Variants in CCDC3 observed in about 807,000 individuals in gnomAD.
CCDC3 encodes the protein coiled-coil domain containing 3.
Under a neutral mutation model 21.4 loss-of-function variants are expected in CCDC3, and 24 were observed. That is an observed-to-expected ratio of 1.12 (90% CI 0.81 to 1.58). The LOEUF (loss-of-function observed/expected upper bound fraction) is 1.58, where lower values mean the gene tolerates loss of function less well. CCDC3 is among the 40% of genes most tolerant of loss of function. The probability of loss-of-function intolerance (pLI) is 0.00; values close to 1 mark genes in which losing one functional copy is unlikely to be tolerated. For synonymous variants in CCDC3, 186 were observed against 166.0 expected (o/e 1.12, Z -0.93); for missense variants, 425 against 360.9 (o/e 1.18, Z -1.44).
intron 5 of CCDC3, among the ~76,000 whole-genome samples, chr10:13,039,236 T>C (rs1836417881): frequency 6.6e-6 from 1 of 152,088 alleles, no homozygotes; most frequent in South Asian, 2.1e-4. Context: ...GGCAACATAG[T>C]GAAACCCCGT....
chr10:12,903,020 T>A (rs1325690890), intron 2 of CCDC3, among the ~76,000 whole-genome samples: 1 of 152,200 alleles, frequency 6.6e-6, no homozygotes, highest in Non-Finnish European at 1.5e-5. Context: ...ATGTCATTCT[T>A]TGGTCCTCGT....
chr10:12,949,093 T>C (rs1435055244), intron 2 of CCDC3, among the ~76,000 whole-genome samples: 1 of 152,068 alleles, frequency 6.6e-6, no homozygotes, highest in Admixed American at 6.6e-5. Flanking sequence ...ATCACAATTT[T>C]GGGGGCTCCT....
chr10:13,035,855 T>C (rs910515808), intron 5 of CCDC3, among the ~76,000 whole-genome samples: 3 of 151,956 alleles, frequency 2.0e-5, no homozygotes, highest in African/African-American at 4.8e-5. Flanking sequence ...CATAAACAAG[T>C]GGCTGCCCGG....
At chr10:12,938,101 C>G (rs778753270) in intron 2 of CCDC3, among the ~76,000 whole-genome samples, 7 of 152,212 alleles carry the variant, frequency 4.6e-5, no homozygotes, top group Non-Finnish European at 1.0e-4. Flanking sequence ...GGCTCCTTCC[C>G]AAAGACACAG....
At chr10:13,095,441 G>T (rs942023452) in intron 3 of CCDC3, among the ~76,000 whole-genome samples, 1 of 152,064 alleles carries the variant, frequency 6.6e-6, no homozygotes, top group Admixed American at 6.6e-5. Context: ...GTGGGTGGGG[G>T]GGTGGTTTTG....
At chr10:13,064,425 G>A (rs1307596039) in intron 4 of CCDC3, among the ~76,000 whole-genome samples, 1 of 152,186 alleles carries the variant, frequency 6.6e-6, no homozygotes, top group African/African-American at 2.4e-5. Flanking sequence ...CCAGGTCTCA[G>A]TTAATTTAGA....
intron 2 of CCDC3, among the ~76,000 whole-genome samples, chr10:12,972,104 G>A (rs1465136470): frequency 3.9e-5 from 6 of 152,030 alleles, no homozygotes; most frequent in Non-Finnish European, 8.8e-5. Flanking sequence ...ACACTGCTGC[G>A]TGCAGGACAG....
chr10:12,902,888 G>A lies in CCDC3; in HGVS notation c.550-4209C>T, dbSNP rs991652293. 3.9e-5 allele frequency among the ~76,000 whole-genome samples: 6 copies of A among 152,288 alleles called. No homozygotes were observed. In the South Asian group the frequency reaches 8.3e-4, roughly 21 times the overall value. ...TGTAAAAACCAAGATGGAACAGAGG[G>A]ACGCCTTGAAGTGCATCTGTGTGTG... On this transcript the variant is annotated intron_variant, in intron 2 of 2. Coordinates refer to ENST00000378825, the MANE Select transcript of CCDC3 (RefSeq NM_031455.4).
chr10:13,011,386 A>T (rs1185244271), intron 5 of CCDC3, among the ~76,000 whole-genome samples: 1 of 152,126 alleles, frequency 6.6e-6, no homozygotes, highest in Admixed American at 6.5e-5. Flanking sequence ...ACTCCTATAC[A>T]CTAATAGCAC....
intron 2 of CCDC3, among the ~76,000 whole-genome samples, chr10:12,947,334 G>T (rs147038796): frequency 6.6e-6 from 1 of 152,000 alleles, no homozygotes. Flanking sequence ...TTTCAGTGGA[G>T]ACATGGTTTC....
Position 12,982,200 on chromosome 10 carries a change from G to A in CCDC3, c.549+16138C>T, listed in dbSNP as rs564810026. 2.8e-4 allele frequency among the ~76,000 whole-genome samples: 42 copies of A among 148,734 alleles called. No individual in the cohort carries two copies. In the South Asian group the frequency reaches 8.6e-3, roughly 30 times the overall value. ...AAAAGCCATGGTCACACGCTGCAAC[G>A]TGGAGGACCTTGAGGACATTAAGCT... On this transcript the variant is annotated intron_variant, in intron 2 of 2. Coordinates refer to ENST00000378825, the MANE Select transcript of CCDC3 (RefSeq NM_031455.4).
chr10:13,043,230 C>T (rs1487116899), intron 5 of CCDC3, among the ~76,000 whole-genome samples: 1 of 152,076 alleles, frequency 6.6e-6, no homozygotes, highest in African/African-American at 2.4e-5. Flanking sequence ...TCTCCCTGAC[C>T]CAGGAGCCCC....
intron 3 of CCDC3, among the ~76,000 whole-genome samples, chr10:13,088,570 G>A (rs1318750584): frequency 6.6e-6 from 1 of 152,156 alleles, no homozygotes; most frequent in African/African-American, 2.4e-5. Flanking sequence ...GCTGTAGATG[G>A]CACACTGCAA....
At chr10:13,009,624 A>G (rs758976758) in intron 5 of CCDC3, among the ~76,000 whole-genome samples, 2 of 152,242 alleles carry the variant, frequency 1.3e-5, no homozygotes, top group Non-Finnish European at 2.9e-5. Context: ...AAATATATAG[A>G]TAACTGATTA....
chr10:12,976,481 T>C (rs2668908), intron 2 of CCDC3, among the ~76,000 whole-genome samples: 88,041 of 151,590 alleles, frequency 0.58, 25,620 homozygotes, highest in South Asian at 0.65. Flanking sequence ...AGGAATTCTC[T>C]GGCAGACACC....
intron 4 of CCDC3, among the ~76,000 whole-genome samples, chr10:13,069,582 C>T (rs755102593): frequency 7.9e-5 from 12 of 152,074 alleles, no homozygotes; most frequent in Non-Finnish European, 1.2e-4. Flanking sequence ...AATTGTCTTT[C>T]CTGATGCCTG....
At chr10:12,899,251 C>T (rs1834057862) in intron 2 of CCDC3, among the ~76,000 whole-genome samples, 1 of 152,094 alleles carries the variant, frequency 6.6e-6, no homozygotes, top group South Asian at 2.1e-4. Context: ...TGAAAAGATG[C>T]TTAACCCCAC....
intron 2 of CCDC3, among the ~76,000 whole-genome samples, chr10:12,902,589 A>G (rs1214313875): frequency 6.6e-6 from 1 of 152,238 alleles, no homozygotes; most frequent in African/African-American, 2.4e-5. Context: ...GAATTTTCAA[A>G]GAACAGAACC....
chr10:12,908,688 G>A (rs897237121), intron 2 of CCDC3, among the ~76,000 whole-genome samples: 6 of 149,188 alleles, frequency 4.0e-5, no homozygotes, highest in Non-Finnish European at 8.9e-5. Context: ...CGGCTCCCAG[G>A]TTCAAGCAAT....
Sources: gnomAD v4.1 joint callset for allele counts (sites outside exome capture counted in the v4.1 genomes callset) on GRCh38, gnomAD v4.1.1 for gene constraint, MANE v1.5 for transcripts, NCBI Gene and HGNC (gene_info 2026-07-23, HGNC 2026-07-21) for gene names.